The following KLHL13 variants were observed in gnomAD, a reference collection of about 807,000 sequenced individuals.
KLHL13 encodes the protein kelch like family member 13, also known as kelch-like protein 13.
KLHL13 carries 10 observed loss-of-function variants against 37.1 expected under a neutral mutation model. That is an observed-to-expected ratio of 0.27 (90% CI 0.17 to 0.46). The LOEUF (loss-of-function observed/expected upper bound fraction) is 0.46, where lower values mean the gene tolerates loss of function less well. Ranked by LOEUF, KLHL13 falls within the 20% of genes least tolerant of loss-of-function variation. KLHL13 has a pLI of 1.00. For synonymous variants in KLHL13, 163 were observed against 181.2 expected (o/e 0.90, Z 0.81); for missense variants, 360 against 509.3 (o/e 0.71, Z 2.82).
intron 1 of KLHL13, among the ~76,000 whole-genome samples, chrX:118,112,659 T>A (rs1329062964): frequency 8.9e-6 from 1 of 112,057 alleles, no homozygotes; most frequent in Non-Finnish European, 1.9e-5. Flanking sequence ...CAAATCAAGT[T>A]GACCCTGCAG....
At chrX:118,088,127 A>G (rs747330254) in intron 1 of KLHL13, among the ~76,000 whole-genome samples, 21 of 112,126 alleles carry the variant, frequency 1.9e-4, no homozygotes, top group Non-Finnish European at 3.6e-4. Flanking sequence ...GAGTAATACA[A>G]CAGACAGGGC....
intron 1 of KLHL13, among the ~76,000 whole-genome samples, chrX:118,022,400 T>C (rs992416436): frequency 1.8e-5 from 2 of 111,827 alleles, no homozygotes; most frequent in Non-Finnish European, 1.9e-5. Context: ...ATTCAGGTTT[T>C]TGAGGAACTT....
intron 1 of KLHL13, among the ~76,000 whole-genome samples, chrX:118,081,940 TTGTGTGTGTGTGTGTG>T (rs762989393): frequency 3.1e-5 from 3 of 97,673 alleles, no homozygotes; most frequent in East Asian, 3.2e-4. Flanking sequence ...TAGTATTCCA[TTGTGTGTGTGTGTGTG>T]TGTGTGTGTG....
chrX:118,091,727 T>C (rs1345722957), intron 1 of KLHL13, among the ~76,000 whole-genome samples: 1 of 110,872 alleles, frequency 9.0e-6, no homozygotes, highest in Non-Finnish European at 1.9e-5. Context: ...GAAAAAGTAC[T>C]CAAAGAGATA....
At chrX:117,915,644 C>A (rs1931296778) in intron 4 of KLHL13, among the ~76,000 whole-genome samples, 1 of 112,060 alleles carries the variant, frequency 8.9e-6, no homozygotes, top group Admixed American at 9.4e-5. Context: ...TCTTTCTCAC[C>A]TTTATTCTGT....
chrX:118,049,957 T>A (rs1357218852), intron 1 of KLHL13, among the ~76,000 whole-genome samples: 2 of 112,870 alleles, frequency 1.8e-5, no homozygotes, highest in African/African-American at 6.4e-5. Context: ...CACCACCATG[T>A]GGTCACTATC....
At chrX:117,927,303 G>A (rs1932124854) in intron 2 of KLHL13, among the ~76,000 whole-genome samples, 1 of 112,081 alleles carries the variant, frequency 8.9e-6, no homozygotes, top group Admixed American at 9.4e-5. Flanking sequence ...GGATCCCAAG[G>A]CAATTTCAAG....
chrX:118,023,591 C>T (rs762477166), intron 1 of KLHL13, among the ~76,000 whole-genome samples: 3 of 111,191 alleles, frequency 2.7e-5, no homozygotes, highest in Non-Finnish European at 5.7e-5. Context: ...TCTTTTTTGA[C>T]GGAGTCTTGC....
At chrX:118,031,781 C>T (rs2054352176) in intron 1 of KLHL13, among the ~76,000 whole-genome samples, 2 of 106,999 alleles carry the variant, frequency 1.9e-5, no homozygotes, top group South Asian at 8.1e-4. Flanking sequence ...CAGCTCCCAG[C>T]GTGAGTGACG....
At chrX:117,921,564 A>G (rs1405911960) in intron 2 of KLHL13, among the ~76,000 whole-genome samples, 1 of 111,918 alleles carries the variant, frequency 8.9e-6, no homozygotes, top group Non-Finnish European at 1.9e-5. Context: ...CACAAAATAC[A>G]CAAATTGCTT....
intron 1 of KLHL13, among the ~76,000 whole-genome samples, chrX:118,045,936 G>C (rs1166636302): frequency 8.9e-6 from 1 of 112,451 alleles, no homozygotes; most frequent in Non-Finnish European, 1.9e-5. Context: ...CTTGTCCACT[G>C]TTGGTGGAAC....
intron 1 of KLHL13, among the ~76,000 whole-genome samples, chrX:118,099,574 C>T (rs1407445116): frequency 2.7e-5 from 3 of 110,951 alleles, no homozygotes; most frequent in Non-Finnish European, 5.7e-5. Flanking sequence ...CTTTGGGAGG[C>T]CAAGGCAGCT....
At chrX:118,052,794 G>A (rs1160361777) in intron 1 of KLHL13, among the ~76,000 whole-genome samples, 4 of 108,493 alleles carry the variant, frequency 3.7e-5, no homozygotes, top group East Asian at 2.9e-4. Flanking sequence ...ACCACTGCAC[G>A]CCAGTCAGGC....
intron 1 of KLHL13, among the ~76,000 whole-genome samples, chrX:118,031,578 T>C (rs1271758490): frequency 1.2e-5 from 1 of 84,968 alleles, no homozygotes; most frequent in Non-Finnish European, 2.3e-5. Flanking sequence ...ATATTAGTTA[T>C]ATATATATTT....
At chrX:117,908,864 T>C (rs1930772957) in intron 5 of KLHL13, among the ~76,000 whole-genome samples, 1 of 112,434 alleles carries the variant, frequency 8.9e-6, no homozygotes, top group Non-Finnish European at 1.9e-5. Flanking sequence ...CACTAATAGG[T>C]AACATATTTT....
Position 117,954,599 on chromosome X carries a change from T to G in KLHL13, c.99-9024A>C, listed in dbSNP as rs1047018875. On this transcript the variant is annotated intron_variant, in intron 1 of 6. Coordinates refer to ENST00000262820, the Ensembl canonical transcript of KLHL13. ...CATACCTTCTATACAAACAAGTGAATTCAAATCTTCCTTGCTTTTATAAAA... is the reference window on the plus strand; with the variant it reads ...CATACCTTCTATACAAACAAGTGAAGTCAAATCTTCCTTGCTTTTATAAAA... Among the ~76,000 whole-genome samples, 4 of 112,816 alleles carry G rather than the reference T, an allele frequency of 3.5e-5. No individual in the cohort carries two copies. In the Admixed American group the frequency reaches 3.7e-4, roughly 11 times the overall value.
chrX:118,004,347 G>C (rs748612790), intron 1 of KLHL13, among the ~76,000 whole-genome samples: 25 of 111,907 alleles, frequency 2.2e-4, no homozygotes, highest in Non-Finnish European at 4.5e-4. Flanking sequence ...TACTGGAATA[G>C]CAATGAGCAC....
chrX:117,993,026 C>T lies in KLHL13; in HGVS notation c.-55-47451G>A, dbSNP rs192183981. Among the ~76,000 whole-genome samples the T allele has an allele frequency of 1.4e-4, 16 of 112,096 alleles. 1 individual carries two copies. Among genetic ancestry groups the T allele is most frequent in the African/African-American group, 4.2e-4 (13 of 30,876 alleles). ...CGGAACATCAGTTACAGTCACAGTA[C>T]TATATAAGCTATGCTATAAATGAGA... On this transcript the variant is annotated intron_variant, in intron 1 of 6. Coordinates refer to the KLHL13 transcript ENST00000371882.
chrX:117,971,894 C>T (rs182943164), intron 1 of KLHL13, among the ~76,000 whole-genome samples: 363 of 111,359 alleles, frequency 3.3e-3, no homozygotes, highest in Middle Eastern at 0.019. Flanking sequence ...AAGCTTTTCT[C>T]GTACTAATAT....
Sources: allele counts gnomAD v4.1 joint callset (sites outside exome capture counted in the v4.1 genomes callset), GRCh38; gene constraint gnomAD v4.1.1; transcripts MANE v1.5; gene names NCBI Gene and HGNC (gene_info 2026-07-23, HGNC 2026-07-21).